The following WDCP variants were observed in gnomAD, a reference collection of about 807,000 sequenced individuals.
WDCP encodes the protein WD repeat and coiled-coil-containing protein.
In WDCP, 19 loss-of-function variants were observed where a neutral mutation model predicts 41.6. The observed-to-expected ratio is 0.46, with a 90% CI of 0.32 to 0.67. The LOEUF (loss-of-function observed/expected upper bound fraction) is 0.67, where lower values mean the gene tolerates loss of function less well. Among genes scored for constraint, WDCP ranks in the 30% least tolerant of loss-of-function variants. The pLI, the probability that WDCP is intolerant of heterozygous loss-of-function variation, is 0.04. For missense variants in WDCP, 802 were observed against 850.7 expected, an observed-to-expected ratio of 0.94 and a Z score of 0.71; for synonymous variants, 302 against 320.8, an observed-to-expected ratio of 0.94 and a Z score of 0.63.
intron 2 of WDCP, among the ~76,000 whole-genome samples, chr2:24,037,395 A>AT (rs975402103): frequency 1.3e-5 from 2 of 152,042 alleles, no homozygotes; most frequent in Non-Finnish European, 2.9e-5. Flanking sequence ...AAATAACATG[A>AT]TTTTTTTTCT....
At chr2:24,037,121 G>A (rs763753824) in intron 2 of WDCP, among the ~76,000 whole-genome samples, 4 of 152,160 alleles carry the variant, frequency 2.6e-5, no homozygotes, top group African/African-American at 7.2e-5. Context: ...TGTGCCTCCC[G>A]GGCTCAAGTG....
Position 24,037,881 on chromosome 2 carries a change from C to G in WDCP, c.1614G>C (p.Glu538Asp), listed in dbSNP as rs1663304993. Residue 538 changes from glutamate to aspartate, a missense_variant, in exon 2 of 4, where the codon GAG becomes GAC. Coordinates refer to ENST00000295148, the MANE Select transcript of WDCP (RefSeq NM_025203.3). ...SSTPDHTSTL[E>D]PPRLPQRKNL... Reference sequence around the variant, plus strand: ...TCTTTCTTTGAGGCAAACGAGGAGGCTCCAGTGTGCTGGTGTGGTCTGGTG... The same window carrying G: ...TCTTTCTTTGAGGCAAACGAGGAGGGTCCAGTGTGCTGGTGTGGTCTGGTG... The G allele has an allele frequency of 1.2e-6, 2 of 1,614,024 alleles. No homozygotes were observed. The highest frequency in any genetic ancestry group is 1.7e-6 in the Non-Finnish European group (2 of 1,180,034).
intron 3 of WDCP, 70 bp from the exon 4 acceptor site, chr2:24,031,232 AT>A (rs1208553944): frequency 5.3e-5 from 64 of 1,198,946 alleles, no homozygotes; most frequent in Non-Finnish European, 6.6e-5. Flanking sequence ...ATGACTACAA[AT>A]TTTTTTTTCT....
intron 2 of WDCP, among the ~76,000 whole-genome samples, chr2:24,036,105 T>TAAATAAAA (rs1553317307): frequency 2.5e-4 from 37 of 145,824 alleles, no homozygotes; most frequent in African/African-American, 6.5e-4. Context: ...AATAAATAAA[T>TAAATAAAA]AAAATAAAAT....
rs1228206454 is a variant in WDCP at position 24,030,601 on chromosome 2, T to C, written c.*332A>G. On this transcript the variant is annotated 3_prime_UTR_variant, in exon 4 of 4. Coordinates refer to ENST00000295148, the MANE Select transcript of WDCP (RefSeq NM_025203.3). ...CTCCTAAGACAGCTTCAATGCAGCT[T>C]TGGACAAGGGACACAAAGCCTCAGA... The C allele has an allele frequency of 4.4e-6, 1 of 229,568 alleles. No individual in the cohort carries two copies. The highest frequency in any genetic ancestry group is 5.1e-5 in the Admixed American group (1 of 19,450). The allele number at this position is 229,568 out of a possible 1,614,324, so 14.2% of individuals were successfully genotyped here.
In WDCP at chr2:24,037,782, C is replaced by T; in HGVS notation, c.1713G>A (p.Met571Ile). 1 of 1,614,218 alleles carries T rather than the reference C, an allele frequency of 6.2e-7. No individual in the cohort carries two copies. Among genetic ancestry groups the T allele is most frequent in the Non-Finnish European group, 8.5e-7 (1 of 1,180,036 alleles). ...VEILSRNLVE[M>I]QRCLSELTNR... Reference sequence around the variant, plus strand: ...TTGTAAGTTCAGAAAGACACCGTTGCATTTCAACCAGGTTCCTAGATAAAA... The same window carrying T: ...TTGTAAGTTCAGAAAGACACCGTTGTATTTCAACCAGGTTCCTAGATAAAA... Residue 571 changes from methionine (M) to isoleucine (I), a missense_variant, in exon 2 of 4, where the codon ATG becomes ATA. Met to Ile is a conservative substitution (Grantham distance 10, BLOSUM62 1). Transcript: ENST00000295148.
chr2:24,045,854 A>G (rs1663607239), intron 1 of WDCP: 1 of 152,172 alleles, frequency 6.6e-6, no homozygotes, highest in Admixed American at 6.6e-5. Context: ...TTGGCAGCAC[A>G]TATACTAAGA....
chr2:24,038,587 A>G lies in WDCP; in HGVS notation c.908T>C (p.Leu303Pro), dbSNP rs777620234. ...HKSEGNSLIC[L>P]RKKDYLTGTG... ...TCCTGTCAAGTAGTCCTTTTTTCTT[A>G]GACAAATAAGAGAATTACCCTCAGA... The change falls in exon 2 of 4, where the codon CTA becomes CCA. Residue 303 changes from leucine (L) to proline (P), a missense_variant. Physicochemically the swap from Leu to Pro is moderately conservative, Grantham distance 98. Around this residue, in one of 5 missense-constraint regions of WDCP, gnomAD observed 247 missense variants for 240.5 expected, o/e 1.03. Coordinates refer to ENST00000295148, the MANE Select transcript of WDCP (RefSeq NM_025203.3). The G allele has an allele frequency of 6.2e-7, 1 of 1,613,840 alleles. No individual in the cohort carries two copies. The highest frequency in any genetic ancestry group is 8.5e-7 in the Non-Finnish European group (1 of 1,179,904).
At chr2:24,032,313 G>A (rs1384606078) in intron 3 of WDCP, among the ~76,000 whole-genome samples, 1 of 152,216 alleles carries the variant, frequency 6.6e-6, no homozygotes, top group Non-Finnish European at 1.5e-5. Context: ...GCTCAGCCTG[G>A]GCAACACAGT....
At chr2:24,033,344 T>A in intron 2 of WDCP, 1 of 287,766 alleles carries the variant, frequency 3.5e-6, no homozygotes, top group Non-Finnish European at 7.0e-6. Flanking sequence ...GTGTCCTAAG[T>A]GGTAGAGTAG....
At chr2:24,045,246 C>T (rs981603549) in intron 1 of WDCP, among the ~76,000 whole-genome samples, 2 of 152,198 alleles carry the variant, frequency 1.3e-5, no homozygotes, top group Non-Finnish European at 2.9e-5. Flanking sequence ...TTAAGGATAA[C>T]ACCCAGATTT....
chr2:24,045,141 G>C (rs1663571536), intron 1 of WDCP, among the ~76,000 whole-genome samples: 1 of 152,194 alleles, frequency 6.6e-6, no homozygotes, highest in South Asian at 2.1e-4. Flanking sequence ...AACTATTTCA[G>C]TAGAGAAAGA....
chr2:24,038,584 C>G lies in WDCP; in HGVS notation c.911G>C (p.Arg304Thr). Residue 304 changes from arginine to threonine, a missense_variant, in exon 2 of 4, where the codon AGA becomes ACA. This residue lies in a region of WDCP where 247 missense variants were observed against 240.5 expected (regional missense o/e 1.03). Transcript: ENST00000295148. ...AGTTCCTGTCAAGTAGTCCTTTTTT[C>G]TTAGACAAATAAGAGAATTACCCTC... The part of the protein sequence containing the change: ...KSEGNSLICL[R>T]KKDYLTGTGQ... The G allele has an allele frequency of 6.2e-7, 1 of 1,613,636 alleles. No individual in the cohort carries two copies. The highest frequency in any genetic ancestry group is 8.5e-7 in the Non-Finnish European group (1 of 1,179,884).
intron 1 of WDCP, among the ~76,000 whole-genome samples, chr2:24,046,572 A>G (rs537509536): frequency 2.0e-5 from 3 of 152,202 alleles, no homozygotes; most frequent in Non-Finnish European, 4.4e-5. Flanking sequence ...AAGACAACTC[A>G]TGACGAGAAT....
intron 1 of WDCP, among the ~76,000 whole-genome samples, chr2:24,043,817 G>A (rs1272284358): frequency 2.6e-5 from 4 of 151,808 alleles, no homozygotes; most frequent in Non-Finnish European, 1.5e-5. Context: ...CCAACCTGGT[G>A]ATTTGCTTAT....
rs761234536 is a variant in WDCP, at chr2:24,037,689, G to C, written c.1806C>G (p.His602Gln). 7 of 1,609,664 alleles carry C rather than the reference G, an allele frequency of 4.3e-6. No individual in the cohort carries two copies. The African/African-American group carries it at 9.4e-5, about 22-fold the overall frequency. ...YPLSQDLPYV[H>Q]IIYQKPYYLG... ...AAGGAGAATTTACCTGGTAAATGATGTGAACATAAGGAAGATCTTGAGAGA... is the reference window on the plus strand; with the variant it reads ...AAGGAGAATTTACCTGGTAAATGATCTGAACATAAGGAAGATCTTGAGAGA... Residue 602 changes from histidine (H) to glutamine (Q), a missense_variant, in exon 2 of 4, where the codon CAC becomes CAG. His to Gln is a conservative substitution (Grantham distance 24). Transcript: ENST00000295148.
rs200402344 is a variant in WDCP at position 24,037,791 on chromosome 2, C to T, written c.1704G>A (p.Leu568=). 1.5e-5 allele frequency: 24 copies of T among 1,614,124 alleles called. No homozygotes were observed. Among genetic ancestry groups the T allele is most frequent in the Admixed American group, 1.7e-5 (1 of 60,004 alleles). The change falls in exon 2 of 4, where the codon CTG becomes CTA. Residue 568 remains leucine (L), a synonymous_variant. Coordinates refer to ENST00000295148, the MANE Select transcript of WDCP (RefSeq NM_025203.3). The part of the protein sequence containing the change: ...SKEVEILSRN[L]VEMQRCLSEL... ...CAGAAAGACACCGTTGCATTTCAAC[C>T]AGGTTCCTAGATAAAATTTCCACTT...
In WDCP at chr2:24,038,958, C is replaced by T. The variant is rs1471795211; in HGVS notation, c.537G>A (p.Leu179=). 5.0e-6 allele frequency: 8 copies of T among 1,614,082 alleles called. No homozygotes were observed. The highest frequency in any genetic ancestry group is 2.2e-5 in the East Asian group (1 of 44,902). The change falls in exon 2 of 4, where the codon CTG becomes CTA. Residue 179 remains leucine (L), a synonymous_variant. Transcript: ENST00000295148. The part of the protein sequence containing the change: ...LRLVVAVGSS[L]HSYIWDSAQK... ...GAGCGCTGTCCCAAATATAAGAATG[C>T]AGGCTGCTGCCTACTGCCACCACCA...
Position 24,032,894 on chromosome 2 carries a change from T to C in WDCP, c.1871A>G (p.Asp624Gly). The C allele has an allele frequency of 1.2e-6, 2 of 1,613,978 alleles. No homozygotes were observed. Among genetic ancestry groups the C allele is most frequent in the South Asian group, 1.1e-5 (1 of 91,072 alleles). Residue 624 changes from aspartate (D) to glycine (G), a missense_variant, in exon 3 of 4, where the codon GAT becomes GGT. Physicochemically the swap from Asp to Gly is moderately conservative, Grantham distance 94. Transcript: ENST00000295148. ...VVEKRAVLLCDGKLRLSTVQQ... is the reference protein window; with the variant it reads ...VVEKRAVLLCGGKLRLSTVQQ... ...AACTGTACTGAGCCTTAGTTTACCA[T>C]CACAGAGAAGCACCGCTCTTTTTTC...
Sources: gnomAD v4.1 joint callset for allele counts (sites outside exome capture counted in the v4.1 genomes callset) on GRCh38, gnomAD v4.1.1 for gene constraint, gnomAD v4.1.1 regional missense constraint, MANE v1.5 for transcripts, NCBI Gene and HGNC (gene_info 2026-07-23, HGNC 2026-07-21) for gene names.